Variants in CYP3A4 observed in about 807,000 individuals in gnomAD.
CYP3A4 encodes cytochrome P450 family 3 subfamily A member 4, also known as cytochrome P450 3A4.
CYP3A4 carries 41 observed loss-of-function variants against 54.9 expected under a neutral mutation model. The observed-to-expected ratio is 0.75, with a 90% CI of 0.58 to 0.97. The LOEUF is 0.97. Among genes scored for constraint, CYP3A4 ranks in the 50% least tolerant of loss-of-function variants. CYP3A4 has a pLI of 0.00. For missense variants in CYP3A4, 510 were observed against 597.3 expected (o/e 0.85, Z 1.52); for synonymous variants, 179 against 205.2 (o/e 0.87, Z 1.09).
chr7:99,777,979 A>G, intron 3 of CYP3A4, 49 bp downstream of exon 3: 1 of 1,483,900 alleles, frequency 6.7e-7, no homozygotes, highest in Non-Finnish European at 9.4e-7. Flanking sequence ...AGTGGGGTAA[A>G]CTCATCATAG....
At chr7:99,766,219 T>C (rs745916174) in intron 9 of CYP3A4, among the ~76,000 whole-genome samples, 158 bp downstream of exon 9, 3 of 152,116 alleles carry the variant, frequency 2.0e-5, no homozygotes, top group African/African-American at 4.8e-5. Flanking sequence ...TGCATGCCTC[T>C]AGAAAGTGCC....
chr7:99,760,621 A>G (rs1815294566), intron 12 of CYP3A4, among the ~76,000 whole-genome samples, 198 bp downstream of exon 12: 1 of 152,228 alleles, frequency 6.6e-6, no homozygotes, highest in South Asian at 2.1e-4. Context: ...CATGGGCTTT[A>G]CATGATGTTT....
intron 1 of CYP3A4, among the ~76,000 whole-genome samples, chr7:99,781,051 G>A (rs1405955520): frequency 1.3e-5 from 2 of 152,172 alleles, no homozygotes; most frequent in African/African-American, 4.8e-5. Context: ...GATCCTAGGG[G>A]CAGTTTCTCA....
rs1376499608 is a variant in CYP3A4, at chr7:99,778,018, G to A, written c.218+10C>T. On this transcript the variant is annotated intron_variant, in intron 3 of 12. Coordinates refer to ENST00000651514, the MANE Select transcript of CYP3A4 (RefSeq NM_017460.6). The stretch of plus-strand genomic sequence containing the variant: ...CAAGTCTATCCAATGGAAGTTTCCA[G>A]AATACTCACCCCCACACTTTTCCAT... The A allele has an allele frequency of 6.2e-6, 10 of 1,610,752 alleles. No homozygotes were observed. The highest frequency in any genetic ancestry group is 8.5e-6 in the Non-Finnish European group (10 of 1,177,112).
chr7:99,766,775 G>A, intron 8 of CYP3A4: 1 of 379,742 alleles, frequency 2.6e-6, no homozygotes, highest in African/African-American at 2.1e-5. Flanking sequence ...TTATGATCTG[G>A]GGAAAGCATA....
intron 4 of CYP3A4, among the ~76,000 whole-genome samples, chr7:99,770,515 C>T (rs534793306): frequency 6.6e-6 from 1 of 152,212 alleles, no homozygotes; most frequent in African/African-American, 2.4e-5. Flanking sequence ...TGCAAATTAT[C>T]CACGTGGTAG....
Position 99,766,427 on chromosome 7 carries a change from A to G in CYP3A4, c.815T>C (p.Leu272Pro), listed in dbSNP as rs1368114928. 1.9e-6 allele frequency: 3 copies of G among 1,613,600 alleles called. No homozygotes were observed. In the African/African-American group the frequency reaches 4.0e-5, roughly 22 times the overall value. Residue 272 changes from leucine to proline, a missense_variant, in exon 9 of 13, where the codon CTT becomes CCT. By Grantham distance (98) the Leu-to-Pro change is moderately conservative. Around this residue, in one of 2 missense-constraint regions of CYP3A4, gnomAD observed 238 missense variants for 322.5 expected, o/e 0.74. Coordinates refer to ENST00000651514, the MANE Select transcript of CYP3A4 (RefSeq NM_017460.6). Reference sequence around the variant, plus strand: ...ATTCTGAGAGTCAATCATCAGCTGAAGGAAATCCACTCGGTGCTAGAAGCA... The same window carrying G: ...ATTCTGAGAGTCAATCATCAGCTGAGGGAAATCCACTCGGTGCTAGAAGCA... The part of the protein sequence containing the change: ...EDTQKHRVDF[L>P]QLMIDSQNSK...
intron 1 of CYP3A4, 113 bp from the exon 2 acceptor site, chr7:99,780,198 G>T: frequency 9.6e-7 from 1 of 1,044,352 alleles, no homozygotes; most frequent in Non-Finnish European, 1.4e-6. Context: ...TAACATTAAG[G>T]CAAGAAATAA....
chr7:99,782,397 C>T (rs1815950198), intron 1 of CYP3A4, among the ~76,000 whole-genome samples: 1 of 152,122 alleles, frequency 6.6e-6, no homozygotes, highest in Non-Finnish European at 1.5e-5. Flanking sequence ...TCATCTATTG[C>T]ACTTAATTGT....
intron 8 of CYP3A4, 41 bp from the exon 9 acceptor site, chr7:99,766,484 C>A (rs756248948): frequency 6.2e-7 from 1 of 1,612,346 alleles, no homozygotes; most frequent in Non-Finnish European, 8.5e-7. Context: ...GAAAGTGGCT[C>A]CTGAAGTCAG....
rs559268729 is a variant in CYP3A4 at position 99,778,211 on chromosome 7, C to T, written c.166-131G>A. 35 of 661,490 alleles carry T rather than the reference C, an allele frequency of 5.3e-5. 1 individual carries two copies. The highest frequency in any genetic ancestry group is 4.6e-4 in the South Asian group (23 of 50,492). The allele number at this position is 661,490 out of a possible 1,614,324, so 41.0% of individuals were successfully genotyped here. A position where few individuals can be genotyped will look rare whatever the true frequency, so the allele number is the denominator to read the frequency against. ...CAGTTAGAGGAAGCTTATTTGGAGA[C>T]GTCATAAAGGAAATAAGAGAAAACA... is the stretch of plus-strand genomic sequence containing the variant. On this transcript the variant is annotated intron_variant, in intron 2 of 12. Coordinates refer to ENST00000651514, the MANE Select transcript of CYP3A4 (RefSeq NM_017460.6).
chr7:99,766,947 A>C, intron 8 of CYP3A4, 184 bp downstream of exon 8: 1 of 516,328 alleles, frequency 1.9e-6, no homozygotes, highest in Non-Finnish European at 3.4e-6. Flanking sequence ...TCATTCTCAT[A>C]TCTCCTTCCC....
chr7:99,758,772 A>G (rs895589953), intron 12 of CYP3A4, among the ~76,000 whole-genome samples: 11 of 152,176 alleles, frequency 7.2e-5, no homozygotes, highest in African/African-American at 1.7e-4. Flanking sequence ...ATTCCTCCCA[A>G]TTGAACCCAT....
intron 4 of CYP3A4, 72 bp from the exon 5 acceptor site, chr7:99,770,307 A>T (rs1359650243): frequency 8.1e-5 from 110 of 1,363,702 alleles, no homozygotes; most frequent in Non-Finnish European, 1.1e-4. Context: ...AAAATGTGTT[A>T]AACAGGAACA....
intron 2 of CYP3A4, 50 bp from the exon 3 acceptor site, chr7:99,778,130 A>ACCCTGC (rs1221333222): frequency 6.9e-7 from 1 of 1,451,642 alleles, no homozygotes; most frequent in Non-Finnish European, 9.6e-7. Flanking sequence ...AATGTACTTA[A>ACCCTGC]CCCTGCCTCT....
intron 4 of CYP3A4, among the ~76,000 whole-genome samples, chr7:99,771,706 G>T (rs1815637732): frequency 6.6e-6 from 1 of 152,202 alleles, no homozygotes; most frequent in Non-Finnish European, 1.5e-5. Flanking sequence ...TCTACACGAG[G>T]TTAAGAGTTA....
At chr7:99,761,518 CT>C (rs1347061228) in intron 11 of CYP3A4, among the ~76,000 whole-genome samples, 4 of 152,046 alleles carry the variant, frequency 2.6e-5, no homozygotes, top group Non-Finnish European at 5.9e-5. Context: ...CTCCCTCTTT[CT>C]CCCCCACACC....
chr7:99,771,073 A>G (rs1214732236), intron 4 of CYP3A4, among the ~76,000 whole-genome samples: 1 of 152,236 alleles, frequency 6.6e-6, no homozygotes, highest in African/African-American at 2.4e-5. Context: ...GGAACAATTC[A>G]AAAATTCACC....
chr7:99,778,581 A>G (rs1280557165), intron 2 of CYP3A4, among the ~76,000 whole-genome samples: 13 of 152,186 alleles, frequency 8.5e-5, no homozygotes, highest in Non-Finnish European at 1.9e-4. Flanking sequence ...AGTCTAGCAG[A>G]TTTAGGTAAG....
Sources: gnomAD v4.1 joint callset for allele counts (sites outside exome capture counted in the v4.1 genomes callset) on GRCh38, gnomAD v4.1.1 for gene constraint, gnomAD v4.1.1 regional missense constraint, MANE v1.5 for transcripts, NCBI Gene and HGNC (gene_info 2026-07-23, HGNC 2026-07-21) for gene names.